The following TCF4 variants were observed in gnomAD, a reference collection of about 807,000 sequenced individuals.
TCF4 encodes SL3-3 enhancer factor 2.
Under a neutral mutation model 82.1 loss-of-function variants are expected in TCF4, and 3 were observed. That is an observed-to-expected ratio of 0.04 (90% CI 0.02 to 0.09). The LOEUF (loss-of-function observed/expected upper bound fraction) is 0.09, where lower values mean the gene tolerates loss of function less well. TCF4 is among the 10% of genes least tolerant of loss of function. The probability of loss-of-function intolerance (pLI) is 1.00; values close to 1 mark genes in which losing one functional copy is unlikely to be tolerated. For missense variants in TCF4, 518 were observed against 852.7 expected, an observed-to-expected ratio of 0.61 and a Z score of 4.89; for synonymous variants, 276 against 309.6, an observed-to-expected ratio of 0.89 and a Z score of 1.14.
At chr18:55,529,280 CAATAA>C (rs1375272772) in intron 3 of TCF4, among the ~76,000 whole-genome samples, 5 of 152,036 alleles carry the variant, frequency 3.3e-5, no homozygotes, top group African/African-American at 1.2e-4. Flanking sequence ...ATTTTGATAC[CAATAA>C]AATATTTAGC....
intron 3 of TCF4, among the ~76,000 whole-genome samples, chr18:55,580,188 A>T (rs1226773476): frequency 6.6e-6 from 1 of 152,020 alleles, no homozygotes; most frequent in African/African-American, 2.4e-5. Flanking sequence ...GAATTTAGAA[A>T]ATGTAACATT....
At chr18:55,261,888 A>G (rs1351666325) in intron 11 of TCF4, among the ~76,000 whole-genome samples, 3 of 152,166 alleles carry the variant, frequency 2.0e-5, no homozygotes, top group Non-Finnish European at 4.4e-5. Flanking sequence ...TTTTCTTTAT[A>G]TTATTTTATA....
chr18:55,590,603 A>G (rs1361706243), upstream of TCF4, among the ~76,000 whole-genome samples: 1 of 152,236 alleles, frequency 6.6e-6, no homozygotes, highest in Non-Finnish European at 1.5e-5. Context: ...CACGAAAGAA[A>G]TAATTCCTTT....
Position 55,274,078 on chromosome 18 carries a change from A to C in TCF4, c.789+1541T>G, listed in dbSNP as rs970943036. On this transcript the variant is annotated intron_variant, in intron 10 of 19. Coordinates refer to ENST00000354452, the MANE Select transcript of TCF4 (RefSeq NM_001083962.2). ...GTGCCTAAAACTTTTATTTGTAATC[A>C]AAACTTTCCTTGCTCATAGGACACA... Among the ~76,000 whole-genome samples the C allele has an allele frequency of 5.9e-5, 9 of 152,210 alleles. No homozygotes were observed. The South Asian group carries it at 1.9e-3, about 32-fold the overall frequency.
intron 8 of TCF4, among the ~76,000 whole-genome samples, chr18:55,280,586 C>G (rs2062388424): frequency 6.6e-6 from 1 of 152,022 alleles, no homozygotes; most frequent in Non-Finnish European, 1.5e-5. Context: ...GTTCCTCTCT[C>G]CAGATGGTCA....
At chr18:55,585,169 G>T in intron 3 of TCF4, 111 bp downstream of exon 3, 1 of 958,856 alleles carries the variant, frequency 1.0e-6, no homozygotes, top group Non-Finnish European at 1.7e-6. Context: ...ATGATTACAG[G>T]CTAAAATTCA....
At chr18:55,424,467 C>T (rs2094901754) in intron 5 of TCF4, among the ~76,000 whole-genome samples, 1 of 152,208 alleles carries the variant, frequency 6.6e-6, no homozygotes, top group Admixed American at 6.5e-5. Flanking sequence ...GACAGGCTCC[C>T]TGCTTTAAAC....
chr18:55,245,945 G>T, intron 15 of TCF4, among the ~76,000 whole-genome samples: 1 of 152,326 alleles, frequency 6.6e-6, no homozygotes, highest in Middle Eastern at 3.4e-3. Flanking sequence ...TGCAGAAAGA[G>T]TGAATGAACA....
chr18:55,282,845 C>T lies in TCF4; in HGVS notation c.550-3189G>A, dbSNP rs2062891748. Among the ~76,000 whole-genome samples, 4 of 151,860 alleles carry T rather than the reference C, an allele frequency of 2.6e-5. No homozygotes were observed. The South Asian group carries it at 8.3e-4, about 32-fold the overall frequency. ...CAAATATCTATCCTTGAATTTTTCT[C>T]CAATAATACGCTTAGATCAAGGTGA... is the stretch of plus-strand genomic sequence containing the variant. On this transcript the variant is annotated intron_variant, in intron 8 of 19. Transcript: ENST00000354452.
At chr18:55,550,606 C>T (rs975036613) in intron 3 of TCF4, 7 of 152,104 alleles carry the variant, frequency 4.6e-5, no homozygotes, top group Admixed American at 6.6e-5. Flanking sequence ...ATACGGACTG[C>T]GTTATATAAA....
At chr18:55,435,529 C>T (rs1262155744) in intron 5 of TCF4, among the ~76,000 whole-genome samples, 1 of 152,218 alleles carries the variant, frequency 6.6e-6, no homozygotes, top group African/African-American at 2.4e-5. Context: ...ACACATAGTG[C>T]TGAGTATGTA....
At chr18:55,573,700 G>T (rs771042804) in intron 3 of TCF4, among the ~76,000 whole-genome samples, 2 of 152,282 alleles carry the variant, frequency 1.3e-5, no homozygotes, top group East Asian at 3.9e-4. Flanking sequence ...AGCCCTTCCT[G>T]ACTGCTCCCC....
At chr18:55,537,911 C>A (rs1355246019) in intron 3 of TCF4, among the ~76,000 whole-genome samples, 1 of 152,004 alleles carries the variant, frequency 6.6e-6, no homozygotes, top group Non-Finnish European at 1.5e-5. Flanking sequence ...TTTTAATTCA[C>A]AAGAGAATGC....
At chr18:55,296,017 G>C (rs1312999599) in intron 8 of TCF4, among the ~76,000 whole-genome samples, 1 of 152,018 alleles carries the variant, frequency 6.6e-6, no homozygotes, top group East Asian at 1.9e-4. Flanking sequence ...ACTCATAGTA[G>C]GCATTTGATA....
At chr18:55,419,465 A>G (rs2094646999) in intron 5 of TCF4, among the ~76,000 whole-genome samples, 1 of 152,110 alleles carries the variant, frequency 6.6e-6, no homozygotes. Context: ...CTTAAAATAT[A>G]TTTTGTCTTG....
chr18:55,286,005 C>G (rs1198738890), intron 8 of TCF4, among the ~76,000 whole-genome samples: 2 of 152,150 alleles, frequency 1.3e-5, no homozygotes, highest in Non-Finnish European at 2.9e-5. Context: ...AAAATACTTG[C>G]AAGTTGTGCC....
At chr18:55,576,395 G>A (rs1390325595) in intron 3 of TCF4, among the ~76,000 whole-genome samples, 1 of 152,096 alleles carries the variant, frequency 6.6e-6, no homozygotes, top group Non-Finnish European at 1.5e-5. Context: ...ATTATAATCG[G>A]TAACACCCCC....
At chr18:55,396,747 A>G (rs987856477) in intron 6 of TCF4, among the ~76,000 whole-genome samples, 4 of 152,210 alleles carry the variant, frequency 2.6e-5, no homozygotes, top group African/African-American at 9.6e-5. Context: ...AGCCATAACT[A>G]CTTTTCTTAT....
At chr18:55,434,419 CTTTTTTT>C (rs765165999) in intron 5 of TCF4, among the ~76,000 whole-genome samples, 1 of 118,204 alleles carries the variant, frequency 8.5e-6, no homozygotes, top group African/African-American at 3.3e-5. Flanking sequence ...ACAGGACATT[CTTTTTTT>C]TTTTTTTTTT....
Sources: allele counts gnomAD v4.1 joint callset (sites outside exome capture counted in the v4.1 genomes callset), GRCh38; gene constraint gnomAD v4.1.1; transcripts MANE v1.5; gene names NCBI Gene and HGNC (gene_info 2026-07-23, HGNC 2026-07-21).